The following FBXO36 variants were observed in gnomAD, a reference collection of about 807,000 sequenced individuals.
The protein encoded by FBXO36 is F-box protein 36, also known as F-box only protein 36.
Under a neutral mutation model 17.0 loss-of-function variants are expected in FBXO36, and 18 were observed. That is an observed-to-expected ratio of 1.06 (90% CI 0.73 to 1.57). The LOEUF is 1.57. Ranked by LOEUF, FBXO36 falls within the 40% of genes most tolerant of loss-of-function variation. FBXO36 has a pLI of 0.00. For missense variants in FBXO36, 229 were observed against 221.9 expected (o/e 1.03, Z -0.20); for synonymous variants, 83 against 85.3 (o/e 0.97, Z 0.15).
At position 229,985,725 on chromosome 2, in the gene FBXO36, G is replaced by A. The variant is rs933007017; in HGVS notation, c.205+9376G>A. Among the ~76,000 whole-genome samples, 5 of 152,136 alleles carry A rather than the reference G, an allele frequency of 3.3e-5. No individual in the cohort carries two copies. In the East Asian group the frequency reaches 5.8e-4, roughly 18 times the overall value. ...TTTTAAGATTAAAAATTGAAATAAT[G>A]CACATAGTAAAACAAAAGTTAAATG... On this transcript the variant is annotated intron_variant, in intron 2 of 3. Coordinates refer to ENST00000283946, the MANE Select transcript of FBXO36 (RefSeq NM_174899.5).
intron 1 of FBXO36, among the ~76,000 whole-genome samples, chr2:229,937,171 A>G (rs893919502): frequency 2.6e-5 from 4 of 152,146 alleles, no homozygotes; most frequent in Admixed American, 6.5e-5. Flanking sequence ...TCGTTGGAAT[A>G]TAGTGCGGCA....
intron 1 of FBXO36, among the ~76,000 whole-genome samples, chr2:229,953,086 C>T (rs1294562611): frequency 2.6e-5 from 4 of 152,098 alleles, no homozygotes; most frequent in African/African-American, 9.7e-5. Flanking sequence ...GCCTGTAATC[C>T]CAGCACTTCG....
chr2:229,964,132 T>C (rs960750191), intron 1 of FBXO36, among the ~76,000 whole-genome samples: 1 of 152,214 alleles, frequency 6.6e-6, no homozygotes, highest in African/African-American at 2.4e-5. Context: ...TTGTCTGTAA[T>C]GTTAATTGCA....
intron 1 of FBXO36, among the ~76,000 whole-genome samples, chr2:229,945,882 C>T (rs1334595432): frequency 6.6e-6 from 1 of 151,832 alleles, no homozygotes; most frequent in Non-Finnish European, 1.5e-5. Context: ...ATTAGCCAGG[C>T]ATGTTGGCGC....
Position 229,976,273 on chromosome 2 carries a change from G to C in FBXO36, c.129G>C (p.Arg43Ser). ...TTAGATGGTGGAAGATCTCTCTAAG[G>C]AGTGAGTATCGATCAACAAAACCTG... is the stretch of plus-strand genomic sequence containing the variant. ...VIFRWWKISLRSEYRSTKPGE... is the reference protein window; with the variant it reads ...VIFRWWKISLSSEYRSTKPGE... The change falls in exon 2 of 4, where the codon AGG becomes AGC. Residue 43 changes from arginine to serine, a missense_variant. Arg to Ser is a moderately radical substitution (Grantham distance 110). Coordinates refer to ENST00000283946, the MANE Select transcript of FBXO36 (RefSeq NM_174899.5). 1 of 1,613,070 alleles carries C rather than the reference G, an allele frequency of 6.2e-7. No homozygotes were observed. The highest frequency in any genetic ancestry group is 8.5e-7 in the Non-Finnish European group (1 of 1,179,588).
At chr2:230,001,068 A>T (rs2077356034) in intron 3 of FBXO36, among the ~76,000 whole-genome samples, 1 of 151,878 alleles carries the variant, frequency 6.6e-6, no homozygotes, top group Non-Finnish European at 1.5e-5. Context: ...CATGTTGGCC[A>T]GGTTGGTCTT....
At chr2:229,966,252 T>A (rs1249202827) in intron 1 of FBXO36, among the ~76,000 whole-genome samples, 2 of 152,204 alleles carry the variant, frequency 1.3e-5, no homozygotes, top group Non-Finnish European at 2.9e-5. Context: ...TAAATTTGTT[T>A]GAATTCTTTG....
chr2:229,951,334 C>T (rs2077056900), intron 1 of FBXO36, among the ~76,000 whole-genome samples: 1 of 151,316 alleles, frequency 6.6e-6, no homozygotes. Flanking sequence ...ACCTCCGCCT[C>T]CTGGGTTCAA....
chr2:229,935,811 C>A (rs1020159056), intron 1 of FBXO36, among the ~76,000 whole-genome samples: 1 of 152,150 alleles, frequency 6.6e-6, no homozygotes, highest in African/African-American at 2.4e-5. Flanking sequence ...GTATCAAGTG[C>A]TACCATGTGC....
At chr2:229,953,024 A>G in intron 1 of FBXO36, among the ~76,000 whole-genome samples, 1 of 150,126 alleles carries the variant, frequency 6.7e-6, no homozygotes, top group East Asian at 2.1e-4. Flanking sequence ...TCATTTTGCC[A>G]TGTGCATGTA....
At chr2:229,977,532 C>A (rs983289751) in intron 2 of FBXO36, among the ~76,000 whole-genome samples, 7 of 152,010 alleles carry the variant, frequency 4.6e-5, no homozygotes, top group African/African-American at 1.4e-4. Context: ...CTCACTGCAA[C>A]CTCTACCTCC....
At chr2:229,975,564 T>C (rs555794905) in intron 1 of FBXO36, among the ~76,000 whole-genome samples, 11 of 149,426 alleles carry the variant, frequency 7.4e-5, no homozygotes, top group African/African-American at 2.7e-4. Flanking sequence ...AGCCTCAACC[T>C]CACGGGCTCA....
chr2:229,936,498 GAT>G (rs2076964741), intron 1 of FBXO36, among the ~76,000 whole-genome samples: 2 of 152,140 alleles, frequency 1.3e-5, no homozygotes, highest in African/African-American at 2.4e-5. Flanking sequence ...ATTTTATAAA[GAT>G]AGATTGTTTT....
intron 1 of FBXO36, among the ~76,000 whole-genome samples, chr2:229,924,030 C>T (rs2076887405): frequency 1.3e-5 from 2 of 150,766 alleles, no homozygotes; most frequent in South Asian, 4.2e-4. Flanking sequence ...AGGCGTGAGC[C>T]ACCGCGCCCG....
At chr2:229,957,232 A>G (rs2077093116) in intron 1 of FBXO36, among the ~76,000 whole-genome samples, 1 of 152,238 alleles carries the variant, frequency 6.6e-6, no homozygotes, top group Non-Finnish European at 1.5e-5. Flanking sequence ...GCCACACAGT[A>G]AAGAGGGAAA....
intron 3 of FBXO36, among the ~76,000 whole-genome samples, chr2:230,005,616 A>G (rs2077383184): frequency 6.6e-6 from 1 of 152,212 alleles, no homozygotes; most frequent in Non-Finnish European, 1.5e-5. Context: ...AAAAGGAAAT[A>G]AGTATGTACC....
intron 2 of FBXO36, among the ~76,000 whole-genome samples, chr2:229,989,710 A>T (rs1577357713): frequency 1.4e-5 from 2 of 144,132 alleles, no homozygotes; most frequent in Admixed American, 7.1e-5. Context: ...ACAGGCACCC[A>T]CCACCACGCC....
At chr2:229,989,475 T>G (rs1049090560) in intron 2 of FBXO36, among the ~76,000 whole-genome samples, 1 of 152,180 alleles carries the variant, frequency 6.6e-6, no homozygotes, top group Non-Finnish European at 1.5e-5. Context: ...CAGGCTGATC[T>G]TGAACTCCCC....
chr2:229,939,660 A>G (rs1261347347), intron 1 of FBXO36, among the ~76,000 whole-genome samples: 2 of 152,156 alleles, frequency 1.3e-5, no homozygotes, highest in Admixed American at 6.5e-5. Context: ...AGTCGTTTCC[A>G]CATTAATACC....
Sources: gnomAD v4.1 joint callset for allele counts (sites outside exome capture counted in the v4.1 genomes callset) on GRCh38, gnomAD v4.1.1 for gene constraint, MANE v1.5 for transcripts, NCBI Gene and HGNC (gene_info 2026-07-23, HGNC 2026-07-21) for gene names.